The following GRM7 variants were observed in gnomAD, a reference collection of about 807,000 sequenced individuals.
The protein encoded by GRM7 is metabotropic glutamate receptor 7.
A neutral mutation model predicts 84.5 loss-of-function variants in GRM7; 35 were observed. The observed-to-expected ratio is 0.41, with a 90% confidence interval of 0.32 to 0.55. The LOEUF (loss-of-function observed/expected upper bound fraction) is 0.55. Among genes scored for constraint, GRM7 ranks in the 20% least tolerant of loss-of-function variants. GRM7 has a pLI of 0.19. For missense variants in GRM7, 1,003 were observed against 1,194.6 expected (o/e 0.84, Z 2.36); for synonymous variants, 487 against 455.1 (o/e 1.07, Z -0.89).
intron 1 of GRM7, among the ~76,000 whole-genome samples, chr3:7,002,041 A>C (rs1367183678): frequency 6.6e-6 from 1 of 152,236 alleles, no homozygotes; most frequent in Non-Finnish European, 1.5e-5. Flanking sequence ...TAGCTGCAAC[A>C]TTCCATGTTA....
intron 1 of GRM7, among the ~76,000 whole-genome samples, chr3:7,144,157 T>A (rs1694035604): frequency 6.6e-6 from 1 of 152,188 alleles, no homozygotes; most frequent in Admixed American, 6.5e-5. Context: ...TGGCCTTCCT[T>A]TTTAATGCTT....
intron 6 of GRM7, among the ~76,000 whole-genome samples, chr3:7,455,629 G>A (rs1407325125): frequency 6.6e-6 from 1 of 152,066 alleles, no homozygotes; most frequent in Non-Finnish European, 1.5e-5. Flanking sequence ...TAAAATCACT[G>A]GCAAGTACTT....
intron 1 of GRM7, among the ~76,000 whole-genome samples, chr3:7,103,821 TCTCTCTCTGTCTCTCTCTCCCTCTC>T (rs1699204808): frequency 1.5e-5 from 2 of 131,614 alleles, no homozygotes; most frequent in African/African-American, 7.2e-5. Context: ...TTTCTTTCTC[TCTCTCTCTGTCTCTCTCTCCCTCTC>T]TCTCTCTCTC....
chr3:7,174,439 A>G (rs1695079988), intron 2 of GRM7, among the ~76,000 whole-genome samples: 2 of 152,268 alleles, frequency 1.3e-5, no homozygotes, highest in East Asian at 1.9e-4. Context: ...CTAGGTTTCA[A>G]TCCCAGCTCT....
At chr3:7,334,447 T>A (rs1277297524) in intron 4 of GRM7, among the ~76,000 whole-genome samples, 1 of 149,282 alleles carries the variant, frequency 6.7e-6, no homozygotes, top group East Asian at 2.0e-4. Flanking sequence ...CAAAATAGAA[T>A]CCGCCCAAAG....
Position 7,614,428 on chromosome 3 carries a change from A to C in GRM7, c.2451+35071A>C, listed in dbSNP as rs111312460. On this transcript the variant is annotated intron_variant, in intron 8 of 9. Coordinates refer to ENST00000357716, the MANE Select transcript of GRM7 (RefSeq NM_000844.4). ...GTGCAAGGAACAACCCAGAATCTTC[A>C]ATCTTGGCCCATTCCTCAAATGGAT... 8.9e-3 allele frequency among the ~76,000 whole-genome samples: 1,350 copies of C among 152,294 alleles called. 14 individuals are homozygous for C. The highest frequency in any genetic ancestry group is 0.029 in the African/African-American group (1,187 of 41,566).
intron 9 of GRM7, among the ~76,000 whole-genome samples, chr3:7,686,780 A>G (rs561183836): frequency 6.6e-4 from 101 of 152,290 alleles, no homozygotes; most frequent in African/African-American, 2.3e-3. Flanking sequence ...GTATTTCTCA[A>G]TGTATGTTTT....
intron 1 of GRM7, among the ~76,000 whole-genome samples, chr3:7,098,369 C>T (rs1352638824): frequency 6.6e-6 from 1 of 151,958 alleles, no homozygotes; most frequent in Non-Finnish European, 1.5e-5. Context: ...ATAATTAATT[C>T]ACCTACAATT....
At chr3:7,107,758 G>A (rs1288062367) in intron 1 of GRM7, among the ~76,000 whole-genome samples, 2 of 152,048 alleles carry the variant, frequency 1.3e-5, no homozygotes, top group African/African-American at 2.4e-5. Flanking sequence ...AGAGAAGAAA[G>A]GGTAGTCATT....
intron 2 of GRM7, among the ~76,000 whole-genome samples, chr3:7,214,533 A>G (rs1696538435): frequency 6.6e-6 from 1 of 152,226 alleles, no homozygotes; most frequent in South Asian, 2.1e-4. Flanking sequence ...GCTTTGCTTC[A>G]TGCCTGGCAT....
intron 9 of GRM7, among the ~76,000 whole-genome samples, chr3:7,707,437 A>G (rs1181130854): frequency 6.6e-6 from 1 of 152,172 alleles, no homozygotes; most frequent in African/African-American, 2.4e-5. Flanking sequence ...CTTCCTGTTT[A>G]GCATGACTGC....
intron 2 of GRM7, among the ~76,000 whole-genome samples, chr3:7,278,581 T>A (rs1699152650): frequency 1.3e-5 from 2 of 152,186 alleles, no homozygotes; most frequent in Non-Finnish European, 2.9e-5. Flanking sequence ...CATATATTCA[T>A]TGATCTAAAA....
At chr3:7,300,574 T>A (rs1172827403) in intron 3 of GRM7, among the ~76,000 whole-genome samples, 3 of 152,078 alleles carry the variant, frequency 2.0e-5, no homozygotes, top group Non-Finnish European at 2.9e-5. Flanking sequence ...CTAGTCTTAT[T>A]CTATTCCAAA....
intron 7 of GRM7, among the ~76,000 whole-genome samples, chr3:7,553,506 G>A (rs1033772349): frequency 2.6e-5 from 4 of 152,060 alleles, no homozygotes; most frequent in African/African-American, 4.8e-5. Context: ...AGAACTTCCC[G>A]AGACTGGGTA....
chr3:7,470,259 T>G (rs1308885309), intron 7 of GRM7, among the ~76,000 whole-genome samples: 1 of 152,246 alleles, frequency 6.6e-6, no homozygotes, highest in Non-Finnish European at 1.5e-5. Context: ...CTCTGGAAAT[T>G]GGTTTCTAAA....
intron 1 of GRM7, among the ~76,000 whole-genome samples, chr3:7,116,518 T>A (rs1396723322): frequency 1.3e-5 from 2 of 152,132 alleles, no homozygotes; most frequent in Non-Finnish European, 2.9e-5. Context: ...ATACTGTCTG[T>A]CTCTACTTAT....
chr3:7,356,799 C>G (rs1026474516), intron 4 of GRM7, among the ~76,000 whole-genome samples: 1 of 151,862 alleles, frequency 6.6e-6, no homozygotes, highest in East Asian at 1.9e-4. Flanking sequence ...TGTCAGCTTT[C>G]CTGGTTTTAA....
intron 1 of GRM7, among the ~76,000 whole-genome samples, chr3:6,959,604 C>T (rs1385071114): frequency 6.6e-6 from 1 of 152,116 alleles, no homozygotes; most frequent in Non-Finnish European, 1.5e-5. Context: ...TATATTACCC[C>T]ATCTGACCTC....
intron 1 of GRM7, among the ~76,000 whole-genome samples, chr3:7,014,784 G>A (rs1695501405): frequency 6.6e-6 from 1 of 152,142 alleles, no homozygotes; most frequent in Non-Finnish European, 1.5e-5. Context: ...ACATCTAGAA[G>A]CATCAGCTGA....
Sources: gnomAD v4.1 joint callset for allele counts (sites outside exome capture counted in the v4.1 genomes callset) on GRCh38, gnomAD v4.1.1 for gene constraint, MANE v1.5 for transcripts, NCBI Gene and HGNC (gene_info 2026-07-23, HGNC 2026-07-21) for gene names.